DUSP10: variants seen among roughly 807,000 people sequenced by gnomAD.
DUSP10 encodes the protein dual specificity phosphatase 10.
DUSP10 carries 14 observed loss-of-function variants against 30.8 expected under a neutral mutation model. That is an observed-to-expected ratio of 0.46 (90% CI 0.30 to 0.71). The LOEUF is 0.71. Ranked by LOEUF, DUSP10 falls within the 30% of genes least tolerant of loss-of-function variation. The pLI, the probability that DUSP10 is intolerant of heterozygous loss-of-function variation, is 0.08. For synonymous variants in DUSP10, 254 were observed against 250.4 expected, an observed-to-expected ratio of 1.01 and a Z score of -0.14; for missense variants, 550 against 619.4, an observed-to-expected ratio of 0.89 and a Z score of 1.19.
intron 2 of DUSP10, among the ~76,000 whole-genome samples, chr1:221,735,921 A>G (rs749778909): frequency 2.0e-5 from 3 of 152,196 alleles, no homozygotes; most frequent in Admixed American, 6.5e-5. Context: ...AAAACAATAT[A>G]ATTCTTTCAA....
At chr1:221,716,900 T>G (rs1482327077) in intron 2 of DUSP10, among the ~76,000 whole-genome samples, 2 of 152,244 alleles carry the variant, frequency 1.3e-5, no homozygotes, top group Non-Finnish European at 2.9e-5. Context: ...TTAACACATT[T>G]TTCACTGTTA....
intron 2 of DUSP10, among the ~76,000 whole-genome samples, chr1:221,715,856 C>T (rs1473493314): frequency 1.3e-5 from 2 of 152,126 alleles, no homozygotes; most frequent in African/African-American, 4.8e-5. Context: ...GTCAGTGAGA[C>T]TCTATGACTC....
chr1:221,739,010 T>A lies in DUSP10; in HGVS notation c.735A>T (p.Arg245=), dbSNP rs755921945. ...VYDENTNEPS[R]VMPSQPLHIV... The stretch of plus-strand genomic sequence containing the variant: ...TGTGAAGTGGCTGGGAGGGCATCAC[T>A]CGGCTTGGTTCATTGGTATTCTCAT... The change falls in exon 2 of 4, where the codon CGA becomes CGT. Residue 245 remains arginine (R), a synonymous_variant. Transcript: ENST00000366899. The A allele has an allele frequency of 1.2e-6, 2 of 1,614,062 alleles. No homozygotes were observed. Among genetic ancestry groups the A allele is most frequent in the African/African-American group, 2.7e-5 (2 of 74,924 alleles).
At position 221,739,180 on chromosome 1, in the gene DUSP10, G is replaced by A. The variant is rs1661871116; in HGVS notation, c.565C>T (p.Gln189Ter). The change falls in exon 2 of 4, where the codon CAA (glutamine) becomes TAA (stop). Residue 189 changes from glutamine (Q) to a stop codon, truncating the protein, a stop_gained. Coordinates refer to ENST00000366899, the MANE Select transcript of DUSP10 (RefSeq NM_007207.6). LOFTEE classifies it high-confidence loss of function. ...PFMEYNKSHI[Q>*]GAVHINCADK... ...GCACAGTTAATGTGGACAGCTCCTT[G>A]GATGTGACTCTTGTTGTACTCCATG... The A allele has an allele frequency of 6.2e-7, 1 of 1,614,170 alleles. No homozygotes were observed. Among genetic ancestry groups the A allele is most frequent in the Non-Finnish European group, 8.5e-7 (1 of 1,180,018 alleles).
In DUSP10 at chr1:221,739,221, A is replaced by T; in HGVS notation, c.524T>A (p.Ile175Asn). Residue 175 changes from isoleucine (I) to asparagine (N), a missense_variant, in exon 2 of 4, where the codon ATT becomes AAT. Transcript: ENST00000366899. Reference protein sequence around the residue: ...SHLPSQGPVIIDCRPFMEYNK... With the variant: ...SHLPSQGPVINDCRPFMEYNK... ...GTACTCCATGAAGGGCCTGCAGTCAATGATGACAGGGCCCTGACTCGGCAG... is the reference window on the plus strand; with the variant it reads ...GTACTCCATGAAGGGCCTGCAGTCATTGATGACAGGGCCCTGACTCGGCAG... The T allele has an allele frequency of 6.2e-7, 1 of 1,614,188 alleles. No homozygotes were observed. Among genetic ancestry groups the T allele is most frequent in the Non-Finnish European group, 8.5e-7 (1 of 1,180,024 alleles).
intron 2 of DUSP10, among the ~76,000 whole-genome samples, chr1:221,716,241 A>T (rs1007043310): frequency 2.0e-5 from 3 of 152,142 alleles, no homozygotes; most frequent in Admixed American, 6.5e-5. Context: ...GTGATTGAGC[A>T]CTCATCCCTG....
In DUSP10 at chr1:221,701,499, G is replaced by A. The variant is rs192745297; in HGVS notation, c.*913C>T. The A allele has an allele frequency of 1.1e-4, 14 of 125,642 alleles. No homozygotes were observed. Among genetic ancestry groups the A allele is most frequent in the African/African-American group, 2.7e-4 (9 of 32,736 alleles). The allele number at this position is 125,642 out of a possible 1,614,324, so 7.8% of individuals were successfully genotyped here. On this transcript the variant is annotated 3_prime_UTR_variant, in exon 4 of 4. Transcript: ENST00000366899. ...ACACCAAGATTTTTTTTTTTTTTGC[G>A]AAAAATATTTTTAAATAAATTTTTT...
At chr1:221,714,389 A>G (rs1661031781) in intron 2 of DUSP10, among the ~76,000 whole-genome samples, 1 of 152,234 alleles carries the variant, frequency 6.6e-6, no homozygotes, top group East Asian at 1.9e-4. Context: ...GAGAGCTCGC[A>G]CGTGTGGATG....
At chr1:221,712,752 A>G (rs1425510605) in intron 2 of DUSP10, among the ~76,000 whole-genome samples, 2 of 137,988 alleles carry the variant, frequency 1.4e-5, no homozygotes, top group Non-Finnish European at 3.1e-5. Context: ...ACTCTAGAAA[A>G]GACAGTGGAT....
rs112427913 is a variant in DUSP10, at chr1:221,739,929, G to A, written c.-43-142C>T. On this transcript the variant is annotated intron_variant, in intron 1 of 3. Coordinates refer to ENST00000366899, the MANE Select transcript of DUSP10 (RefSeq NM_007207.6). ...CTTTATCATACCATTATCAAAACTT[G>A]AAATTCATTTTTATGTATTCAAAGA... 259 of 864,702 alleles carry A rather than the reference G, an allele frequency of 3.0e-4. 2 individuals carry two copies. The African/African-American group carries it at 4.0e-3, about 13-fold the overall frequency. The allele number at this position is 864,702 out of a possible 1,614,324, so 53.6% of individuals were successfully genotyped here. A position where few individuals can be genotyped will look rare whatever the true frequency, so the allele number is the denominator to read the frequency against.
chr1:221,737,356 C>A, intron 2 of DUSP10: 6 of 985,376 alleles, frequency 6.1e-6, no homozygotes, highest in Non-Finnish European at 7.2e-6. Flanking sequence ...ATGGGAAATT[C>A]CTCGGTAGGA....
At chr1:221,711,317 A>T (rs1660931395) in intron 2 of DUSP10, among the ~76,000 whole-genome samples, 1 of 152,208 alleles carries the variant, frequency 6.6e-6, no homozygotes, top group Non-Finnish European at 1.5e-5. Flanking sequence ...TAAGCAAGAG[A>T]TTTTTATACT....
At chr1:221,731,329 T>G (rs1300457619) in intron 2 of DUSP10, among the ~76,000 whole-genome samples, 1 of 152,154 alleles carries the variant, frequency 6.6e-6, no homozygotes, top group East Asian at 1.9e-4. Context: ...AATGCTTGTT[T>G]GCTTAGCACA....
At chr1:221,725,441 C>T (rs12091463) in intron 2 of DUSP10, among the ~76,000 whole-genome samples, 89,876 of 152,084 alleles carry the variant, frequency 0.59, 29,448 homozygotes, top group African/African-American at 0.89. Context: ...ATTCCTCCAG[C>T]TCTTTCTATT....
intron 2 of DUSP10, among the ~76,000 whole-genome samples, chr1:221,725,296 AAAAGTGTTCTC>A (rs1558123225): frequency 6.6e-6 from 1 of 152,244 alleles, no homozygotes; most frequent in Non-Finnish European, 1.5e-5. Flanking sequence ...TCTCAGGCCT[AAAAGTGTTCTC>A]AAAGTTTGTT....
At position 221,702,734 on chromosome 1, in the gene DUSP10, G is replaced by A; in HGVS notation, c.1184-57C>T. On this transcript the variant is annotated intron_variant, in intron 3 of 3. Coordinates refer to ENST00000366899, the MANE Select transcript of DUSP10 (RefSeq NM_007207.6). This position sits in a 1 kb window ranked among gnomAD's most constrained non-coding sequence, Gnocchi z 4.5. The stretch of plus-strand genomic sequence containing the variant: ...GGAAGATGGAAGAGAGAGGCACGGA[G>A]AGAGAAACTTTCATCTCAACTTTGC... 2.5e-6 allele frequency: 4 copies of A among 1,571,458 alleles called. No individual in the cohort carries two copies. The highest frequency in any genetic ancestry group is 1.7e-6 in the Non-Finnish European group (2 of 1,152,320).
chr1:221,728,838 T>G (rs1661497912), intron 2 of DUSP10, among the ~76,000 whole-genome samples: 1 of 152,258 alleles, frequency 6.6e-6, no homozygotes, highest in Non-Finnish European at 1.5e-5. Flanking sequence ...CCTTTGTTCA[T>G]CTACTTCCTA....
At chr1:221,727,621 A>T (rs1016757105) in intron 2 of DUSP10, among the ~76,000 whole-genome samples, 1 of 152,192 alleles carries the variant, frequency 6.6e-6, no homozygotes, top group Non-Finnish European at 1.5e-5. Flanking sequence ...GTTTTTCAAC[A>T]TTTCTAAAGT....
At chr1:221,737,343 C>G in intron 2 of DUSP10, 1 of 985,418 alleles carries the variant, frequency 1.0e-6, no homozygotes, top group Non-Finnish European at 1.2e-6. Flanking sequence ...CAAACTATTA[C>G]AAATGGGAAA....
Sources: allele counts gnomAD v4.1 joint callset (sites outside exome capture counted in the v4.1 genomes callset), GRCh38; gene constraint gnomAD v4.1.1; non-coding constraint Gnocchi (gnomAD v3.1); transcripts MANE v1.5; gene names NCBI Gene and HGNC (gene_info 2026-07-23, HGNC 2026-07-21).